The following TMEM94 variants were observed in gnomAD, a reference collection of about 807,000 sequenced individuals.
The protein encoded by TMEM94 is transmembrane protein 94, also known as ER Mg2+ ATPase.
TMEM94 carries 81 observed loss-of-function variants against 158.6 expected under a neutral mutation model. The ratio of observed to expected loss-of-function variants is 0.51; its 90% CI spans 0.43 to 0.61. TMEM94 has a LOEUF of 0.61. TMEM94 is among the 20% of genes least tolerant of loss of function. TMEM94 has a pLI of 0.00. For missense variants in TMEM94, 1,435 were observed against 1,762.0 expected (o/e 0.81, Z 3.32); for synonymous variants, 751 against 730.7 (o/e 1.03, Z -0.45).
At chr17:75,465,679 A>ATATATATATATATATTTTTT (rs1247855961) in intron 1 of TMEM94, among the ~76,000 whole-genome samples, 6 of 124,808 alleles carry the variant, frequency 4.8e-5, no homozygotes, top group African/African-American at 7.0e-5. Context: ...ATATATATAT[A>ATATATATATATATATTTTTT]TTTTTTTTTA....
rs1476360155 is a variant in TMEM94, at chr17:75,499,622, C to G, written c.*288C>G. The G allele has an allele frequency of 4.5e-6, 2 of 447,084 alleles. No individual in the cohort carries two copies. The highest frequency in any genetic ancestry group is 8.0e-5 in the Admixed American group (2 of 25,118). 27.7% of individuals were successfully genotyped at this position (447,084 alleles called of 1,614,324 possible). ...GCTCCCTAGAGGGGCCCTAAACCCC[C>G]TCACCTGTGAGCTACCCCCTTTAGG... On this transcript the variant is annotated 3_prime_UTR_variant, in exon 32 of 32. Coordinates refer to ENST00000314256, the MANE Select transcript of TMEM94 (RefSeq NM_014738.6).
intron 19 of TMEM94, 43 bp from the exon 20 acceptor site, chr17:75,494,853 G>C: frequency 6.2e-7 from 1 of 1,612,730 alleles, no homozygotes; most frequent in Middle Eastern, 1.7e-4. Flanking sequence ...CTGTTTCCAC[G>C]GGCTTTTGGG....
chr17:75,495,110 G>A lies in TMEM94; in HGVS notation c.2728+76G>A. On this transcript the variant is annotated intron_variant, in intron 20 of 31. Coordinates refer to ENST00000314256, the MANE Select transcript of TMEM94 (RefSeq NM_014738.6). The surrounding 1 kb of genome is among the most constrained non-coding windows in gnomAD (Gnocchi z 5.6). ...CTCCTCAGAGCCACAGCCAGGAAGA[G>A]CCTCCGGAGAGCCCTCCAGTTAAGT... The A allele has an allele frequency of 6.4e-7, 1 of 1,566,038 alleles. No homozygotes were observed. Among genetic ancestry groups the A allele is most frequent in the Admixed American group, 1.8e-5 (1 of 55,356 alleles).
intron 2 of TMEM94, among the ~76,000 whole-genome samples, chr17:75,480,378 A>G (rs1277516667): frequency 6.6e-6 from 1 of 152,234 alleles, no homozygotes; most frequent in Non-Finnish European, 1.5e-5. Context: ...CAGACATAAC[A>G]AGCGGGGGCA....
At chr17:75,457,256 A>T (rs1274217897) in intron 1 of TMEM94, 1 of 152,158 alleles carries the variant, frequency 6.6e-6, no homozygotes, top group Non-Finnish European at 1.5e-5. Context: ...CTGATCTTGC[A>T]GTTTGGAGCG....
chr17:75,468,203 A>C (rs781221881), intron 1 of TMEM94, among the ~76,000 whole-genome samples: 1 of 152,286 alleles, frequency 6.6e-6, no homozygotes, highest in African/African-American at 2.4e-5. Context: ...AGACCCTGCT[A>C]CGGGTTTCAG....
intron 4 of TMEM94, 63 bp from the exon 5 acceptor site, chr17:75,486,227 G>A (rs184885363): frequency 5.0e-6 from 8 of 1,601,796 alleles, no homozygotes; most frequent in South Asian, 1.1e-5. Flanking sequence ...GCTGTGGCCT[G>A]GGGGCTGCTG....
Position 75,491,925 on chromosome 17 carries a change from C to T in TMEM94, c.1596+25C>T, listed in dbSNP as rs1275860307. ...GGTGACGGGAGGGGGTGGCACGGGGCAGCCACACCCTCGGCCACAGGCTGT... is the reference window on the plus strand; with the variant it reads ...GGTGACGGGAGGGGGTGGCACGGGGTAGCCACACCCTCGGCCACAGGCTGT... On this transcript the variant is annotated intron_variant, in intron 14 of 31. Coordinates refer to ENST00000314256, the MANE Select transcript of TMEM94 (RefSeq NM_014738.6). The surrounding 1 kb of genome is among the most constrained non-coding windows in gnomAD (Gnocchi z 5.1). 9.4e-6 allele frequency: 15 copies of T among 1,587,842 alleles called. No individual in the cohort carries two copies. The highest frequency in any genetic ancestry group is 1.2e-5 in the Non-Finnish European group (14 of 1,165,984).
At chr17:75,478,329 TAA>T (rs57199058) in intron 2 of TMEM94, among the ~76,000 whole-genome samples, 3,194 of 97,556 alleles carry the variant, frequency 0.033, 136 homozygotes, top group African/African-American at 0.12. Flanking sequence ...GACTCCATCT[TAA>T]AAAAAAAAAA....
chr17:75,482,986 T>C (rs7209148), intron 2 of TMEM94, among the ~76,000 whole-genome samples: 1,590 of 152,304 alleles, frequency 0.01, 24 homozygotes, highest in African/African-American at 0.036. Flanking sequence ...CAGGACACCA[T>C]TGACATGTAA....
In TMEM94 at chr17:75,497,790, G is replaced by A. The variant is rs201422542; in HGVS notation, c.3417G>A (p.Leu1139=). 96 of 1,613,638 alleles carry A rather than the reference G, an allele frequency of 5.9e-5. No homozygotes were observed. In the East Asian group the frequency reaches 2.1e-3, roughly 35 times the overall value. ...GATCTCTGCTTTTCAGCATCTCTCTGCTGGGGAAGCCCCCCCATAGCTCCA... is the reference window on the plus strand; with the variant it reads ...GATCTCTGCTTTTCAGCATCTCTCTACTGGGGAAGCCCCCCCATAGCTCCA... The part of the protein sequence containing the change: ...CFCYPLLSIS[L]LGKPPHSSIM... Residue 1139 remains leucine (L), a synonymous_variant, in exon 27 of 32, where the codon CTG becomes CTA. Transcript: ENST00000314256.
chr17:75,490,138 G>A, intron 9 of TMEM94, 96 bp from the exon 10 acceptor site: 6 of 1,507,792 alleles, frequency 4.0e-6, no homozygotes, highest in South Asian at 1.3e-5. Context: ...GGCCCTTCCT[G>A]CCCAGGGAAT....
At position 75,485,506 on chromosome 17, in the gene TMEM94, G is replaced by C. The variant is rs776197558; in HGVS notation, c.103G>C (p.Glu35Gln). Residue 35 changes from glutamate to glutamine, a missense_variant, in exon 3 of 32, where the codon GAA (glutamate) becomes CAA (glutamine). This residue lies in a region of TMEM94 where 1,051 missense variants were observed against 1,254.4 expected (regional missense o/e 0.84). Transcript: ENST00000314256. This position sits in a 1 kb window ranked among gnomAD's most constrained non-coding sequence, Gnocchi z 5.5. The part of the protein sequence containing the change: ...VLKEQLEAVL[E>Q]GHLRERKKCL... ...GAAGGAGCAGCTGGAGGCAGTGCTG[G>C]AAGGACATCTCAGGGAGCGGAAGAA... is the stretch of plus-strand genomic sequence containing the variant. 13 of 1,614,096 alleles carry C rather than the reference G, an allele frequency of 8.1e-6. 1 individual carries two copies. The Admixed American group carries it at 2.0e-4, about 25-fold the overall frequency.
At position 75,491,042 on chromosome 17, in the gene TMEM94, C is replaced by T. The variant is rs1270264182; in HGVS notation, c.1129-7C>T. ...AATGGCCTTGCAGACTTCCTCTCTC[C>T]CACCAGGAAATGCTGCGCTGCATTT... On this transcript the variant is annotated splice_region_variant and splice_polypyrimidine_tract_variant and intron_variant, in intron 11 of 31. Coordinates refer to ENST00000314256, the MANE Select transcript of TMEM94 (RefSeq NM_014738.6). This position sits in a 1 kb window ranked among gnomAD's most constrained non-coding sequence, Gnocchi z 5.1. 1.3e-6 allele frequency: 2 copies of T among 1,599,514 alleles called. No individual in the cohort carries two copies. Among genetic ancestry groups the T allele is most frequent in the Non-Finnish European group, 8.5e-7 (1 of 1,171,830 alleles).
chr17:75,486,449 T>C lies in TMEM94; in HGVS notation c.409+23T>C, dbSNP rs748492075. ...AAGGTGAGGTCAAGGGCAGGCATAT[T>C]GGTGGGAAAAGATGACCGGACATAT... is the stretch of plus-strand genomic sequence containing the variant. On this transcript the variant is annotated intron_variant, in intron 5 of 31. Transcript: ENST00000314256. 5 of 1,614,050 alleles carry C rather than the reference T, an allele frequency of 3.1e-6. No individual in the cohort carries two copies. In the African/African-American group the frequency reaches 6.7e-5, roughly 22 times the overall value.
rs1441143591 is a variant in TMEM94 at position 75,463,065 on chromosome 17, TATATATATATATATACAC to T, written c.-107+6316_-107+6333del. 9.3e-4 allele frequency among the ~76,000 whole-genome samples: 13 copies of T among 13,944 alleles called. No homozygotes were observed. The African/African-American group carries it at 0.012, about 13-fold the overall frequency. 9.1% of individuals were successfully genotyped at this position (13,944 alleles called of 152,430 possible). A position where few individuals can be genotyped will look rare whatever the true frequency, so the allele number is the denominator to read the frequency against. On this transcript the variant is annotated intron_variant, in intron 1 of 31. Transcript: ENST00000314256. ...ATATATATATATATATATATATATA[TATATATATATATATACAC>T]ACACACACACATATATATGTGTGTA...
intron 1 of TMEM94, among the ~76,000 whole-genome samples, chr17:75,461,093 CTTTTTTTTTTT>C (rs59878082): frequency 2.9e-5 from 2 of 69,678 alleles, no homozygotes; most frequent in African/African-American, 5.5e-5. Context: ...TTGCGATTGG[CTTTTTTTTTTT>C]TTTTTTTTTT....
chr17:75,491,811 C>T lies in TMEM94; in HGVS notation c.1507C>T (p.His503Tyr). The T allele has an allele frequency of 6.2e-7, 1 of 1,614,118 alleles. No homozygotes were observed. Among genetic ancestry groups the T allele is most frequent in the Non-Finnish European group, 8.5e-7 (1 of 1,180,046 alleles). ...APKPPEPYSH[H>Y]KAHGRSKHPS... ...CAAGCCCCCCGAGCCCTATTCACACCACAAAGCGCATGGCCGCAGCAAACA... is the reference window on the plus strand; with the variant it reads ...CAAGCCCCCCGAGCCCTATTCACACTACAAAGCGCATGGCCGCAGCAAACA... Residue 503 changes from histidine (H) to tyrosine (Y), a missense_variant, in exon 14 of 32, where the codon CAC becomes TAC. Around this residue, in one of 3 missense-constraint regions of TMEM94, gnomAD observed 1,051 missense variants for 1,254.4 expected, o/e 0.84. Coordinates refer to ENST00000314256, the MANE Select transcript of TMEM94 (RefSeq NM_014738.6). This position sits in a 1 kb window ranked among gnomAD's most constrained non-coding sequence, Gnocchi z 5.1.
Position 75,498,140 on chromosome 17 carries a change from G to C in TMEM94, c.3490-35G>C. On this transcript the variant is annotated intron_variant, in intron 27 of 31. Transcript: ENST00000314256. This position sits in a 1 kb window ranked among gnomAD's most constrained non-coding sequence, Gnocchi z 6.7. Reference sequence around the variant, plus strand: ...GCTAGGAGCAGCCGGCAGAGGGGCTGTGCGCCCCAGGAGTGACTGGCCTTG... The same window carrying C: ...GCTAGGAGCAGCCGGCAGAGGGGCTCTGCGCCCCAGGAGTGACTGGCCTTG... 6.2e-7 allele frequency: 1 copy of C among 1,609,398 alleles called. No homozygotes were observed. Among genetic ancestry groups the C allele is most frequent in the Non-Finnish European group, 8.5e-7 (1 of 1,176,812 alleles).
Sources: allele counts gnomAD v4.1 joint callset (sites outside exome capture counted in the v4.1 genomes callset), GRCh38; gene constraint gnomAD v4.1.1; regional missense constraint gnomAD v4.1.1; non-coding constraint Gnocchi (gnomAD v3.1); transcripts MANE v1.5; gene names NCBI Gene and HGNC (gene_info 2026-07-23, HGNC 2026-07-21).